DNAH6: variants seen among roughly 807,000 people sequenced by gnomAD.
DNAH6 encodes dynein axonemal heavy chain 6.
Under a neutral mutation model 491.4 loss-of-function variants are expected in DNAH6, and 340 were observed. The observed-to-expected ratio is 0.69, with a 90% CI of 0.63 to 0.76. The LOEUF (loss-of-function observed/expected upper bound fraction) is 0.76. DNAH6 is among the 30% of genes least tolerant of loss of function. The pLI, the probability that DNAH6 is intolerant of heterozygous loss-of-function variation, is 0.00. For missense variants in DNAH6, 4,443 were observed against 4,972.2 expected (o/e 0.89, Z 3.20); for synonymous variants, 1,603 against 1,686.1 (o/e 0.95, Z 1.21).
At chr2:84,799,375 C>T (rs1007278344) in intron 70 of DNAH6, among the ~76,000 whole-genome samples, 18 of 152,330 alleles carry the variant, frequency 1.2e-4, no homozygotes, top group African/African-American at 4.3e-4. Context: ...TGGGCTGGCT[C>T]AGTGATCTGG....
intron 33 of DNAH6, among the ~76,000 whole-genome samples, chr2:84,648,649 A>G (rs1050853690): frequency 6.6e-6 from 1 of 152,222 alleles, no homozygotes; most frequent in Non-Finnish European, 1.5e-5. Flanking sequence ...GTGGAGCCTG[A>G]AGATGTGACT....
At chr2:84,502,435 A>C in the DNAH6 span, among the ~76,000 whole-genome samples, 1 of 152,202 alleles carries the variant, frequency 6.6e-6, no homozygotes, top group Admixed American at 6.5e-5. Flanking sequence ...TTGTGACCTA[A>C]CATATCGGCT....
chr2:84,516,915 CAACAT>C (rs1675652890), intron 1 of DNAH6, among the ~76,000 whole-genome samples: 1 of 152,112 alleles, frequency 6.6e-6, no homozygotes, highest in African/African-American at 2.4e-5. Context: ...TACCAAAAGA[CAACAT>C]AAGATATCAC....
chr2:84,782,567 T>A (rs11693309), intron 65 of DNAH6, among the ~76,000 whole-genome samples: 10 of 152,184 alleles, frequency 6.6e-5, no homozygotes, highest in African/African-American at 2.4e-4. Flanking sequence ...CTAAAAGCCC[T>A]TCACTTCCTG....
chr2:84,503,668 C>T, the DNAH6 span, among the ~76,000 whole-genome samples: 5 of 151,208 alleles, frequency 3.3e-5, no homozygotes, highest in East Asian at 1.9e-4. Flanking sequence ...ACCAGACAAA[C>T]TATTCTAGGG....
intron 56 of DNAH6, among the ~76,000 whole-genome samples, chr2:84,712,110 A>T (rs550830033): frequency 6.6e-6 from 1 of 152,322 alleles, no homozygotes; most frequent in South Asian, 2.1e-4. Context: ...AGCATTATAC[A>T]CCTAGCTGCT....
At position 84,722,726 on chromosome 2, in the gene DNAH6, C is replaced by T; in HGVS notation, c.9894C>T (p.Gly3298=). ...AGTATCGTCCAGTGGCCACTCAAGGCTCTGTAATGTACTTTGTCATTGCAA... is the reference window on the plus strand; with the variant it reads ...AGTATCGTCCAGTGGCCACTCAAGGTTCTGTAATGTACTTTGTCATTGCAA... ...REKYRPVATQ[G]SVMYFVIASL... Residue 3298 remains glycine, a synonymous_variant, in exon 60 of 77, where the codon GGC becomes GGT. Coordinates refer to ENST00000389394, the MANE Select transcript of DNAH6 (RefSeq NM_001370.2). 2 of 1,547,590 alleles carry T rather than the reference C, an allele frequency of 1.3e-6. No homozygotes were observed. Among genetic ancestry groups the T allele is most frequent in the Non-Finnish European group, 8.7e-7 (1 of 1,145,484 alleles).
At chr2:84,771,227 G>A (rs530819908) in intron 64 of DNAH6, among the ~76,000 whole-genome samples, 1 of 151,978 alleles carries the variant, frequency 6.6e-6, no homozygotes, top group Non-Finnish European at 1.5e-5. Context: ...GGCAGAGTTT[G>A]CAGTGAGCTG....
chr2:84,712,294 A>G (rs1427576110), intron 56 of DNAH6, among the ~76,000 whole-genome samples: 2 of 152,260 alleles, frequency 1.3e-5, no homozygotes, highest in Admixed American at 6.5e-5. Flanking sequence ...AAGAATTTAC[A>G]TGTGTGGGTA....
intron 61 of DNAH6, among the ~76,000 whole-genome samples, chr2:84,731,568 A>G (rs1372605951): frequency 6.6e-6 from 1 of 152,190 alleles, no homozygotes; most frequent in East Asian, 1.9e-4. Flanking sequence ...CCTGGCTTGG[A>G]GGTTTTTCCT....
chr2:84,703,264 C>T (rs1246331350), intron 49 of DNAH6, 131 bp from the exon 50 acceptor site: 1 of 664,630 alleles, frequency 1.5e-6, no homozygotes, highest in Admixed American at 3.3e-5. Flanking sequence ...ATGTTCACAA[C>T]CTGAATTATT....
chr2:84,623,057 A>G (rs1469899722), intron 26 of DNAH6, among the ~76,000 whole-genome samples: 2 of 152,164 alleles, frequency 1.3e-5, no homozygotes, highest in Non-Finnish European at 2.9e-5. Flanking sequence ...TGTAGGAGCA[A>G]TTAGACCCTT....
chr2:84,651,116 C>T (rs1007658768), intron 33 of DNAH6, among the ~76,000 whole-genome samples: 2 of 152,118 alleles, frequency 1.3e-5, no homozygotes, highest in East Asian at 3.9e-4. Context: ...CTGTTCCCCA[C>T]GTGACCTCCA....
Position 84,594,008 on chromosome 2 carries a change from A to G in DNAH6, c.2647A>G (p.Ser883Gly), listed in dbSNP as rs1214944859. The G allele has an allele frequency of 6.5e-7, 1 of 1,550,364 alleles. No individual in the cohort carries two copies. The highest frequency in any genetic ancestry group is 8.7e-7 in the Non-Finnish European group (1 of 1,146,260). ...CAAGTTTGAAGCTTTGGAAGAAGTCAGTGCTGAACTGAAGCTCAAACAATT... is the reference window on the plus strand; with the variant it reads ...CAAGTTTGAAGCTTTGGAAGAAGTCGGTGCTGAACTGAAGCTCAAACAATT... The part of the protein sequence containing the change: ...VSKFEALEEV[S>G]AELKLKQLLW... Residue 883 changes from serine (S) to glycine (G), a missense_variant, in exon 17 of 77, where the codon AGT becomes GGT. By Grantham distance (56) the Ser-to-Gly change is moderately conservative (BLOSUM62 0). Around this residue, in one of 3 missense-constraint regions of DNAH6, gnomAD observed 2,977 missense variants for 3,296.6 expected, o/e 0.90. Coordinates refer to ENST00000389394, the MANE Select transcript of DNAH6 (RefSeq NM_001370.2).
rs1053037274 is a variant in DNAH6, at chr2:84,619,784, T to A, written c.3672T>A (p.Ile1224=). The A allele has an allele frequency of 3.2e-6, 5 of 1,551,468 alleles. No homozygotes were observed. The highest frequency in any genetic ancestry group is 4.4e-6 in the Non-Finnish European group (5 of 1,146,848). Residue 1224 remains isoleucine, a synonymous_variant, in exon 24 of 77, where the codon ATT becomes ATA. Transcript: ENST00000389394. ...ACTTAAGGAAATGCTTCGACTCCATTTCAAAGCTCGAATTTGCTCTCATGC... is the reference window on the plus strand; with the variant it reads ...ACTTAAGGAAATGCTTCGACTCCATATCAAAGCTCGAATTTGCTCTCATGC... The part of the protein sequence containing the change: ...QPHLRKCFDS[I]SKLEFALMPP...
chr2:84,665,061 A>G (rs1425229729), intron 37 of DNAH6, among the ~76,000 whole-genome samples: 1 of 152,070 alleles, frequency 6.6e-6, no homozygotes, highest in Non-Finnish European at 1.5e-5. Context: ...GAGAACAAAG[A>G]CACAACATAC....
rs1449555455 is a variant in DNAH6, at chr2:84,781,629, C to G, written c.10840C>G (p.Leu3614Val). Reference sequence around the variant, plus strand: ...TTCTTGGATGTTGGCAATGGAAGAGCTCATTAAAACCTTCACAGATCCAGG... The same window carrying G: ...TTCTTGGATGTTGGCAATGGAAGAGGTCATTAAAACCTTCACAGATCCAGG... ...AVSWMLAMEE[L>V]IKTFTDPDSA... The change falls in exon 65 of 77, where the codon CTC (leucine) becomes GTC (valine). Residue 3614 changes from leucine (L) to valine (V), a missense_variant. Around this residue, in one of 3 missense-constraint regions of DNAH6, gnomAD observed 1,463 missense variants for 1,656.6 expected, o/e 0.88. Coordinates refer to ENST00000389394, the MANE Select transcript of DNAH6 (RefSeq NM_001370.2). The G allele has an allele frequency of 1.9e-6, 3 of 1,551,878 alleles. No individual in the cohort carries two copies. Among genetic ancestry groups the G allele is most frequent in the Non-Finnish European group, 2.6e-6 (3 of 1,146,926 alleles).
intron 63 of DNAH6, among the ~76,000 whole-genome samples, chr2:84,756,879 A>G (rs1390974459): frequency 6.6e-6 from 1 of 152,222 alleles, no homozygotes; most frequent in African/African-American, 2.4e-5. Flanking sequence ...ATCAAACAGC[A>G]AATCTAAAAA....
At chr2:84,795,002 A>G (rs1443093301) in intron 68 of DNAH6, among the ~76,000 whole-genome samples, 1 of 150,702 alleles carries the variant, frequency 6.6e-6, no homozygotes, top group Non-Finnish European at 1.5e-5. Flanking sequence ...GCAGCCATAA[A>G]AAATGATGAG....
Sources: gnomAD v4.1 joint callset for allele counts (sites outside exome capture counted in the v4.1 genomes callset) on GRCh38, gnomAD v4.1.1 for gene constraint, gnomAD v4.1.1 regional missense constraint, MANE v1.5 for transcripts, NCBI Gene and HGNC (gene_info 2026-07-23, HGNC 2026-07-21) for gene names.